Variants in RPAIN observed in about 807,000 individuals in gnomAD.
RPAIN encodes the protein RPA interacting protein.
A neutral mutation model predicts 30.5 loss-of-function variants in RPAIN; 29 were observed. That is an observed-to-expected ratio of 0.95 (90% CI 0.71 to 1.30). RPAIN has a LOEUF of 1.30. Among genes scored for constraint, RPAIN ranks in the 50% most tolerant of loss-of-function variants. The pLI is 0.00. For missense variants in RPAIN, 247 were observed against 264.7 expected (o/e 0.93, Z 0.46); for synonymous variants, 101 against 93.5 (o/e 1.08, Z -0.46).
At chr17:5,424,649 A>G (rs1915208697) in intron 3 of RPAIN, among the ~76,000 whole-genome samples, 1 of 152,236 alleles carries the variant, frequency 6.6e-6, no homozygotes. Flanking sequence ...GGCACCGACC[A>G]AAGCACTTAA....
chr17:5,428,964 A>G (rs1267442499), intron 6 of RPAIN: 1 of 963,148 alleles, frequency 1.0e-6, no homozygotes, highest in Non-Finnish European at 1.2e-6. Flanking sequence ...CAGTTAACCT[A>G]CAGAGGTCAT....
At chr17:5,422,608 A>G (rs999933072) in intron 2 of RPAIN, among the ~76,000 whole-genome samples, 161 bp from the exon 3 acceptor site, 3 of 152,238 alleles carry the variant, frequency 2.0e-5, no homozygotes, top group Admixed American at 6.5e-5. Flanking sequence ...GCTTGTCAGC[A>G]TGACAGCATT....
intron 2 of RPAIN, 104 bp downstream of exon 2, chr17:5,421,570 C>A: frequency 9.8e-7 from 1 of 1,015,998 alleles, no homozygotes; most frequent in East Asian, 2.6e-5. Context: ...CACCATTCCC[C>A]TAACCCCATT....
intron 6 of RPAIN, chr17:5,429,197 AG>A (rs1382515494): frequency 3.0e-6 from 3 of 985,164 alleles, no homozygotes; most frequent in African/African-American, 3.5e-5. Flanking sequence ...GGGAGTTCAG[AG>A]GAGGGTGATC....
chr17:5,431,380 G>T (rs60670077), intron 6 of RPAIN: 1 of 444,238 alleles, frequency 2.3e-6, no homozygotes, highest in Non-Finnish European at 4.5e-6. Flanking sequence ...CCAGCTACTC[G>T]GAAGGCTGAA....
intron 2 of RPAIN, 71 bp from the exon 3 acceptor site, chr17:5,422,698 G>T (rs1449844619): frequency 7.0e-7 from 1 of 1,434,712 alleles, no homozygotes; most frequent in Non-Finnish European, 9.8e-7. Context: ...CAGCCTCCAA[G>T]TATGAATCAC....
rs180859741 is a variant in RPAIN at position 5,426,155 on chromosome 17, C to T, written c.425+73C>T. On this transcript the variant is annotated intron_variant, in intron 4 of 6. Coordinates refer to ENST00000381209, the MANE Select transcript of RPAIN (RefSeq NM_001033002.4). The stretch of plus-strand genomic sequence containing the variant: ...CTCCAAGGTGAGTGGAATCTCCCCC[C>T]AGATTTGTTGCCTGAAATTCAAGGT... 305 of 1,566,444 alleles carry T rather than the reference C, an allele frequency of 1.9e-4. 1 individual carries two copies. Among genetic ancestry groups the T allele is most frequent in the Middle Eastern group, 6.7e-4 (4 of 5,970 alleles).
At chr17:5,429,206 A>G in intron 6 of RPAIN, 1 of 984,308 alleles carries the variant, frequency 1.0e-6, no homozygotes, top group South Asian at 4.7e-5. Flanking sequence ...GAGGAGGGTG[A>G]TCTCCTTTAT....
Position 5,425,964 on chromosome 17 carries a change from C to G in RPAIN, c.314-7C>G, listed in dbSNP as rs370563203. 5 of 1,602,272 alleles carry G rather than the reference C, an allele frequency of 3.1e-6. No individual in the cohort carries two copies. Among genetic ancestry groups the G allele is most frequent in the Non-Finnish European group, 4.3e-6 (5 of 1,169,910 alleles). ...GGTGAAGCCCTCCAACTGCCTTTGC[C>G]TTGCAGAGCAGTCCATCATCAGCGA... On this transcript the variant is annotated splice_region_variant and splice_polypyrimidine_tract_variant and intron_variant, in intron 3 of 6. Transcript: ENST00000381209.
At chr17:5,422,323 C>A (rs9895440) in intron 2 of RPAIN, among the ~76,000 whole-genome samples, 45,346 of 152,070 alleles carry the variant, frequency 0.3, 7,993 homozygotes, top group East Asian at 0.81. Flanking sequence ...CCATCAACAC[C>A]CTGTGTAATA....
intron 2 of RPAIN, 95 bp from the exon 3 acceptor site, chr17:5,422,674 T>G (rs762695781): frequency 1.8e-5 from 19 of 1,066,450 alleles, no homozygotes; most frequent in Admixed American, 8.9e-5. Flanking sequence ...CCAATAAATC[T>G]GGGTTCTTCA....
Position 5,425,829 on chromosome 17 carries a change from G to C in RPAIN, c.314-142G>C, listed in dbSNP as rs1164771343. 8.2e-6 allele frequency: 5 copies of C among 612,326 alleles called. No homozygotes were observed. The Admixed American group carries it at 8.5e-5, about 10-fold the overall frequency. The allele number at this position is 612,326 out of a possible 1,614,324, so 37.9% of individuals were successfully genotyped here. ...CCAGCAAGATGAAGCCAGCCTGAGA[G>C]AGCATAAAAACCAGTCATTGGTATT... On this transcript the variant is annotated intron_variant, in intron 3 of 6. Coordinates refer to ENST00000381209, the MANE Select transcript of RPAIN (RefSeq NM_001033002.4).
chr17:5,425,300 A>G (rs1458741330), intron 3 of RPAIN: 4 of 455,928 alleles, frequency 8.8e-6, no homozygotes, highest in Non-Finnish European at 1.8e-5. Flanking sequence ...AAGTATGTGG[A>G]ATCAGCAGGG....
chr17:5,425,829 G>A (rs1164771343), intron 3 of RPAIN, 142 bp from the exon 4 acceptor site: 1 of 612,444 alleles, frequency 1.6e-6, no homozygotes, highest in Non-Finnish European at 2.9e-6. Context: ...CAGCCTGAGA[G>A]AGCATAAAAA....
intron 1 of RPAIN, among the ~76,000 whole-genome samples, chr17:5,421,082 G>A (rs1914748484): frequency 6.6e-6 from 1 of 152,144 alleles, no homozygotes; most frequent in Non-Finnish European, 1.5e-5. Context: ...TGGCAAGCTA[G>A]AATAAAAAAT....
intron 2 of RPAIN, 135 bp from the exon 3 acceptor site, chr17:5,422,634 T>A: frequency 1.4e-6 from 1 of 693,622 alleles, no homozygotes; most frequent in Non-Finnish European, 2.6e-6. Flanking sequence ...ACTGTCAGCA[T>A]ATTCTGCAGG....
rs1914797148 is a variant in RPAIN, at chr17:5,421,328, C to T, written c.114C>T (p.Asp38=). 1.2e-6 allele frequency: 2 copies of T among 1,613,594 alleles called. No individual in the cohort carries two copies. The highest frequency in any genetic ancestry group is 8.5e-7 in the Non-Finnish European group (1 of 1,179,880). The change falls in exon 2 of 7, where the codon GAC becomes GAT. Residue 38 remains aspartate (D), a synonymous_variant. Transcript: ENST00000381209. ...TGGAGAGAATGAGAAACAGCCGGGA[C>T]AGGCTCCTAAACAGGTACCGCCAGG... ...RCLERMRNSR[D]RLLNRYRQAG...
At chr17:5,430,525 G>C (rs1915805758) in intron 6 of RPAIN, 1 of 152,360 alleles carries the variant, frequency 6.6e-6, no homozygotes, top group Admixed American at 6.6e-5. Context: ...CATTCCTTTG[G>C]AGTCTGTGTT....
At chr17:5,427,377 C>T (rs561387325) in intron 5 of RPAIN, 2 of 152,378 alleles carry the variant, frequency 1.3e-5, no homozygotes, top group South Asian at 4.1e-4. Context: ...TTCAGGTGAT[C>T]TGCCCACCTT....
Sources: allele counts gnomAD v4.1 joint callset (sites outside exome capture counted in the v4.1 genomes callset), GRCh38; gene constraint gnomAD v4.1.1; transcripts MANE v1.5; gene names NCBI Gene and HGNC (gene_info 2026-07-23, HGNC 2026-07-21).